The following SMCO4 variants were observed in gnomAD, a reference collection of about 807,000 sequenced individuals.
The protein encoded by SMCO4 is single-pass membrane and coiled-coil domain-containing protein 4.
Under a neutral mutation model 3.6 loss-of-function variants are expected in SMCO4, and 4 were observed. The observed-to-expected ratio is 1.11, with a 90% CI of 0.54 to 2.53. SMCO4 has a LOEUF of 2.53. Among genes scored for constraint, SMCO4 ranks in the 30% most tolerant of loss-of-function variants. The pLI, the probability that SMCO4 is intolerant of heterozygous loss-of-function variation, is 0.02. For synonymous variants in SMCO4, 36 were observed against 35.3 expected (o/e 1.02, Z -0.07); for missense variants, 70 against 80.8 (o/e 0.87, Z 0.51).
At chr11:93,515,097 A>G (rs1035523428) in intron 1 of SMCO4, among the ~76,000 whole-genome samples, 3 of 152,240 alleles carry the variant, frequency 2.0e-5, no homozygotes, top group African/African-American at 4.8e-5. Context: ...TCCCCAAAAT[A>G]TAATTAAAAC....
chr11:93,551,021 T>C, the SMCO4 span, among the ~76,000 whole-genome samples: 3 of 152,202 alleles, frequency 2.0e-5, no homozygotes, highest in Non-Finnish European at 4.4e-5. Flanking sequence ...TTCTAGTCTA[T>C]ACTTAACTCT....
At chr11:93,534,343 TATATATACACATAC>T (rs1443823946) in intron 1 of SMCO4, among the ~76,000 whole-genome samples, 2 of 142,682 alleles carry the variant, frequency 1.4e-5, no homozygotes, top group African/African-American at 5.2e-5. Context: ...TATATACACA[TATATATACACATAC>T]ATATATATAT....
intron 1 of SMCO4, among the ~76,000 whole-genome samples, chr11:93,506,041 A>C (rs1236029570): frequency 6.6e-6 from 1 of 152,216 alleles, no homozygotes; most frequent in African/African-American, 2.4e-5. Flanking sequence ...GAAATGCTGA[A>C]TATACACACG....
intron 1 of SMCO4, among the ~76,000 whole-genome samples, chr11:93,510,540 G>A (rs1005583805): frequency 6.6e-6 from 1 of 152,136 alleles, no homozygotes; most frequent in Non-Finnish European, 1.5e-5. Context: ...CCCAATTGTC[G>A]AAAGCAGCCC....
intron 1 of SMCO4, chr11:93,535,475 T>G (rs999139018): frequency 1.4e-6 from 2 of 1,400,530 alleles, no homozygotes; most frequent in African/African-American, 2.8e-5. Flanking sequence ...CGCGATGGTG[T>G]TGTTGGAGAG....
intron 1 of SMCO4, among the ~76,000 whole-genome samples, chr11:93,539,965 A>C (rs566514583): frequency 1.3e-5 from 2 of 152,194 alleles, no homozygotes; most frequent in South Asian, 4.1e-4. Flanking sequence ...ATTTAAAAAA[A>C]AAAAAAAGGA....
At chr11:93,508,314 T>C (rs912714441) in intron 1 of SMCO4, among the ~76,000 whole-genome samples, 1 of 152,126 alleles carries the variant, frequency 6.6e-6, no homozygotes, top group Admixed American at 6.6e-5. Context: ...ACGAAAATGG[T>C]ATGGACAGAT....
At chr11:93,489,246 TA>T (rs1304932302) in intron 2 of SMCO4, among the ~76,000 whole-genome samples, 8 of 152,186 alleles carry the variant, frequency 5.3e-5, no homozygotes, top group Non-Finnish European at 1.0e-4. Flanking sequence ...ATGGGGCTAA[TA>T]ATTGGACCTA....
chr11:93,506,827 T>C (rs80351523), intron 1 of SMCO4, among the ~76,000 whole-genome samples: 2,509 of 152,296 alleles, frequency 0.016, 78 homozygotes, highest in African/African-American at 0.057. Flanking sequence ...TAATATCCCA[T>C]GTAACAAAAT....
the SMCO4 span, among the ~76,000 whole-genome samples, chr11:93,553,270 T>A: frequency 1.1e-4 from 17 of 152,212 alleles, no homozygotes; most frequent in South Asian, 2.1e-4. Flanking sequence ...AATTTTTATA[T>A]CTGCTGATGA....
intron 1 of SMCO4, among the ~76,000 whole-genome samples, chr11:93,514,394 ATATATATATATATATATATATATATAT>A: frequency 2.6e-5 from 1 of 38,522 alleles, no homozygotes; most frequent in Non-Finnish European, 5.2e-5. Context: ...ATATATATAT[ATATATATATATATATATATATATATAT>A]AAAATTTGGT....
intron 2 of SMCO4, among the ~76,000 whole-genome samples, chr11:93,487,792 T>C (rs1444846219): frequency 6.6e-6 from 1 of 152,236 alleles, no homozygotes; most frequent in African/African-American, 2.4e-5. Flanking sequence ...TAAGTGCATG[T>C]CAGGGTTTCA....
At chr11:93,532,576 A>C (rs1356140535) in intron 1 of SMCO4, among the ~76,000 whole-genome samples, 2 of 152,150 alleles carry the variant, frequency 1.3e-5, no homozygotes, top group South Asian at 2.1e-4. Context: ...TTCCCCTAAT[A>C]AATCCCCTCT....
At chr11:93,535,569 C>T in intron 1 of SMCO4, 1 of 1,499,024 alleles carries the variant, frequency 6.7e-7, no homozygotes, top group Non-Finnish European at 9.3e-7. Flanking sequence ...AGAAGTATGA[C>T]AGTCGAACCA....
At chr11:93,535,147 T>C (rs1210404694) in intron 1 of SMCO4, among the ~76,000 whole-genome samples, 1 of 152,110 alleles carries the variant, frequency 6.6e-6, no homozygotes, top group African/African-American at 2.4e-5. Flanking sequence ...ATTCCTCAGA[T>C]GAAAGGTTTG....
At chr11:93,488,846 TG>T (rs1418650086) in intron 2 of SMCO4, among the ~76,000 whole-genome samples, 3 of 151,818 alleles carry the variant, frequency 2.0e-5, no homozygotes, top group Non-Finnish European at 2.9e-5. Context: ...GTCTAGACCT[TG>T]GGGGAGTTGA....
intron 2 of SMCO4, among the ~76,000 whole-genome samples, chr11:93,491,512 C>T (rs951535163): frequency 1.2e-4 from 18 of 152,206 alleles, no homozygotes; most frequent in Non-Finnish European, 2.1e-4. Flanking sequence ...GCATCACAGG[C>T]TCCCACCTTA....
upstream of SMCO4, among the ~76,000 whole-genome samples, chr11:93,544,529 A>T (rs1452233034): frequency 6.6e-6 from 1 of 152,172 alleles, no homozygotes; most frequent in Non-Finnish European, 1.5e-5. Context: ...CTCTTAATTA[A>T]CAAGTTTTTA....
chr11:93,552,436 A>C, the SMCO4 span, among the ~76,000 whole-genome samples: 1 of 124,454 alleles, frequency 8.0e-6, no homozygotes. Flanking sequence ...CACCGTGCCC[A>C]GCCACGTTAT....
Sources: allele counts gnomAD v4.1 joint callset (sites outside exome capture counted in the v4.1 genomes callset), GRCh38; gene constraint gnomAD v4.1.1; transcripts MANE v1.5; gene names NCBI Gene and HGNC (gene_info 2026-07-23, HGNC 2026-07-21).